GABRG1: variants seen among roughly 807,000 people sequenced by gnomAD.
GABRG1 encodes the protein gamma-aminobutyric acid receptor subunit gamma-1.
GABRG1 carries 49 observed loss-of-function variants against 49.8 expected under a neutral mutation model. The observed-to-expected ratio is 0.98, with a 90% CI of 0.78 to 1.25. The LOEUF is 1.25. Among genes scored for constraint, GABRG1 ranks in the 50% most tolerant of loss-of-function variants. The probability of loss-of-function intolerance (pLI) is 0.00; values close to 1 mark genes in which losing one functional copy is unlikely to be tolerated. For synonymous variants in GABRG1, 232 were observed against 185.1 expected, an observed-to-expected ratio of 1.25 and a Z score of -2.06; for missense variants, 552 against 552.3, an observed-to-expected ratio of 1.00 and a Z score of 0.01.
chr4:46,117,021 T>A (rs1189432375), intron 1 of GABRG1, among the ~76,000 whole-genome samples: 1 of 150,508 alleles, frequency 6.6e-6, no homozygotes, highest in African/African-American at 2.4e-5. Context: ...TACTTAAGCA[T>A]ACTGTACCTA....
intron 2 of GABRG1, among the ~76,000 whole-genome samples, chr4:46,084,555 T>G (rs946512245): frequency 6.6e-6 from 1 of 151,676 alleles, no homozygotes; most frequent in Admixed American, 6.6e-5. Context: ...GTGAAAAACT[T>G]GAAGCATTTT....
At position 46,039,233 on chromosome 4, in the gene GABRG1, T is replaced by C. The variant is rs555408351; in HGVS notation, c.*1755A>G. On this transcript the variant is annotated 3_prime_UTR_variant, in exon 9 of 9. Coordinates refer to ENST00000295452, the MANE Select transcript of GABRG1 (RefSeq NM_173536.4). ...AATATATAGATGGCCAAAGTTTAGTTTGGCTGTTCATTCAAGAAAAGCAGT... is the reference window on the plus strand; with the variant it reads ...AATATATAGATGGCCAAAGTTTAGTCTGGCTGTTCATTCAAGAAAAGCAGT... 7 of 151,776 alleles carry C rather than the reference T, an allele frequency of 4.6e-5. No homozygotes were observed. Among genetic ancestry groups the C allele is most frequent in the African/African-American group, 1.4e-4 (6 of 41,504 alleles). The allele number at this position is 151,776 out of a possible 1,614,324, so 9.4% of individuals were successfully genotyped here.
chr4:46,054,015 G>A (rs1248764632), intron 7 of GABRG1, among the ~76,000 whole-genome samples: 4 of 37,978 alleles, frequency 1.1e-4, no homozygotes, highest in Non-Finnish European at 2.0e-4. Flanking sequence ...ATCTTGAATT[G>A]ATTTTTGTAT....
At chr4:46,116,718 C>T (rs747077479) in intron 1 of GABRG1, among the ~76,000 whole-genome samples, 10 of 150,804 alleles carry the variant, frequency 6.6e-5, no homozygotes, top group Non-Finnish European at 1.3e-4. Flanking sequence ...ACAGTCTAGT[C>T]TACTCTAGTC....
chr4:46,067,096 T>C (rs1718947419), intron 3 of GABRG1, among the ~76,000 whole-genome samples: 1 of 151,684 alleles, frequency 6.6e-6, no homozygotes, highest in African/African-American at 2.4e-5. Flanking sequence ...ATTGGGGAAG[T>C]GGCCAATAAA....
intron 5 of GABRG1, 116 bp downstream of exon 5, chr4:46,064,324 GA>G: frequency 1.8e-6 from 1 of 551,594 alleles, no homozygotes; most frequent in Non-Finnish European, 3.2e-6. Context: ...TTATCTAAAA[GA>G]ATTGAACATA....
At chr4:46,070,643 G>C (rs1450552865) in intron 3 of GABRG1, among the ~76,000 whole-genome samples, 1 of 152,002 alleles carries the variant, frequency 6.6e-6, no homozygotes, top group Non-Finnish European at 1.5e-5. Context: ...TAGAGGGATA[G>C]ATAGATGAAA....
At chr4:46,083,362 A>T (rs1297567746) in intron 3 of GABRG1, among the ~76,000 whole-genome samples, 1 of 151,658 alleles carries the variant, frequency 6.6e-6, no homozygotes, top group East Asian at 1.9e-4. Flanking sequence ...TATAAGAGAG[A>T]TGTATTTAAA....
At chr4:46,116,698 A>G (rs1181655149) in intron 1 of GABRG1, among the ~76,000 whole-genome samples, 1 of 150,862 alleles carries the variant, frequency 6.6e-6, no homozygotes, top group Non-Finnish European at 1.5e-5. Context: ...AAGTGAATAG[A>G]AAAAGCAAAA....
intron 2 of GABRG1, among the ~76,000 whole-genome samples, chr4:46,090,070 C>T (rs1467604385): frequency 6.6e-6 from 1 of 152,008 alleles, no homozygotes; most frequent in East Asian, 1.9e-4. Context: ...CAGAAGACCT[C>T]AATAAGTTGG....
At position 46,076,361 on chromosome 4, in the gene GABRG1, T is replaced by TTTTATA. The variant is rs1560360726; in HGVS notation, c.321+7624_321+7625insTATAAA. On this transcript the variant is annotated intron_variant, in intron 3 of 8. Transcript: ENST00000295452. The stretch of plus-strand genomic sequence containing the variant: ...TACCTAAATTTATCTTAGGTCATGT[T>TTTTATA]CATATATATATATATATATATATAT... 1.9e-4 allele frequency among the ~76,000 whole-genome samples: 15 copies of TTTTATA among 78,154 alleles called. 1 individual carries two copies. The highest frequency in any genetic ancestry group is 3.9e-4 in the Non-Finnish European group (15 of 38,872). 51.3% of individuals were successfully genotyped at this position (78,154 alleles called of 152,430 possible).
At chr4:46,101,620 T>C (rs745494230) in intron 1 of GABRG1, among the ~76,000 whole-genome samples, 1 of 151,690 alleles carries the variant, frequency 6.6e-6, no homozygotes, top group Non-Finnish European at 1.5e-5. Flanking sequence ...ATAATCTTGA[T>C]CTAGATGGTC....
intron 1 of GABRG1, among the ~76,000 whole-genome samples, chr4:46,113,221 A>G (rs1223782666): frequency 1.3e-5 from 2 of 151,190 alleles, no homozygotes; most frequent in Non-Finnish European, 3.0e-5. Context: ...TTTATAAAGA[A>G]AAGAGGTTTA....
At chr4:46,059,473 T>G (rs1473172169) in intron 5 of GABRG1, among the ~76,000 whole-genome samples, 1 of 152,016 alleles carries the variant, frequency 6.6e-6, no homozygotes, top group Non-Finnish European at 1.5e-5. Flanking sequence ...TGCTAATGTC[T>G]GCCGCCCAGG....
At chr4:46,080,471 T>C (rs1719522469) in intron 3 of GABRG1, among the ~76,000 whole-genome samples, 1 of 151,936 alleles carries the variant, frequency 6.6e-6, no homozygotes, top group Admixed American at 6.6e-5. Flanking sequence ...GGGGTTCTTT[T>C]ATTTGTTTAT....
chr4:46,118,016 G>A (rs1230164901), intron 1 of GABRG1, among the ~76,000 whole-genome samples: 5 of 117,996 alleles, frequency 4.2e-5, no homozygotes, highest in East Asian at 2.2e-4. Context: ...ATGTATACAT[G>A]TGTATCTATA....
chr4:46,096,602 C>T (rs919498024), intron 2 of GABRG1, among the ~76,000 whole-genome samples: 1 of 151,520 alleles, frequency 6.6e-6, no homozygotes, highest in African/African-American at 2.4e-5. Context: ...CAGAAAGAAA[C>T]CTGTTTTGAA....
intron 1 of GABRG1, among the ~76,000 whole-genome samples, chr4:46,097,584 A>T (rs1252806630): frequency 6.6e-6 from 1 of 150,434 alleles, no homozygotes; most frequent in Admixed American, 6.7e-5. Context: ...AATAAAGTAA[A>T]TTTTGACCAC....
chr4:46,095,356 A>G (rs1027517362), intron 2 of GABRG1, among the ~76,000 whole-genome samples: 1 of 151,808 alleles, frequency 6.6e-6, no homozygotes, highest in Non-Finnish European at 1.5e-5. Context: ...TCCTAAATAA[A>G]TAAATACAGA....
Sources: allele counts gnomAD v4.1 joint callset (sites outside exome capture counted in the v4.1 genomes callset), GRCh38; gene constraint gnomAD v4.1.1; transcripts MANE v1.5; gene names NCBI Gene and HGNC (gene_info 2026-07-23, HGNC 2026-07-21).